Variants in SLC16A7 observed in about 807,000 individuals in gnomAD.
The protein encoded by SLC16A7 is solute carrier family 16 member 7, also known as monocarboxylate transporter 2.
In SLC16A7, 33 loss-of-function variants were observed where a neutral mutation model predicts 34.9. The observed-to-expected ratio is 0.94, with a 90% confidence interval of 0.72 to 1.26. The LOEUF (loss-of-function observed/expected upper bound fraction) is 1.26. Among genes scored for constraint, SLC16A7 ranks in the 50% most tolerant of loss-of-function variants. The pLI, the probability that SLC16A7 is intolerant of heterozygous loss-of-function variation, is 0.00. For synonymous variants in SLC16A7, 201 were observed against 206.6 expected (o/e 0.97, Z 0.23); for missense variants, 573 against 578.1 (o/e 0.99, Z 0.09).
chr12:59,671,965 G>A (rs55862328), intron 2 of SLC16A7, among the ~76,000 whole-genome samples: 9 of 4,898 alleles, frequency 1.8e-3, no homozygotes, highest in South Asian at 0.011. Context: ...GTATATATGT[G>A]TATATATCCA....
chr12:59,666,853 G>C (rs1869247727), intron 2 of SLC16A7, among the ~76,000 whole-genome samples: 1 of 152,150 alleles, frequency 6.6e-6, no homozygotes, highest in Admixed American at 6.6e-5. Flanking sequence ...AAAGATAACT[G>C]AAAATATGGA....
chr12:59,672,541 C>G (rs1869970858), intron 2 of SLC16A7, among the ~76,000 whole-genome samples: 1 of 151,826 alleles, frequency 6.6e-6, no homozygotes, highest in Non-Finnish European at 1.5e-5. Context: ...TTTCACCATG[C>G]TGTGTTTTCC....
intron 2 of SLC16A7, among the ~76,000 whole-genome samples, chr12:59,656,222 A>G (rs1868527000): frequency 6.6e-6 from 1 of 152,022 alleles, no homozygotes; most frequent in South Asian, 2.1e-4. Context: ...AGTAAACAGA[A>G]TAATGGACCC....
At chr12:59,662,461 T>A (rs1167464061) in intron 2 of SLC16A7, among the ~76,000 whole-genome samples, 2 of 151,922 alleles carry the variant, frequency 1.3e-5, no homozygotes, top group African/African-American at 4.8e-5. Context: ...ACCAGAAATT[T>A]AAAAAAAATC....
Position 59,734,903 on chromosome 12 carries a change from G to T in SLC16A7, c.217+29885G>T, listed in dbSNP as rs1017014701. On this transcript the variant is annotated intron_variant, in intron 3 of 5. Transcript: ENST00000547379. The stretch of plus-strand genomic sequence containing the variant: ...ATCTCATCCATTGCTATAAATTCAT[G>T]CATTTATGCATTACTCTCTAGTTTC... Among the ~76,000 whole-genome samples, 3 of 152,136 alleles carry T rather than the reference G, an allele frequency of 2.0e-5. 1 individual carries two copies. The highest frequency in any genetic ancestry group is 2.0e-4 in the Admixed American group (3 of 15,290).
intron 3 of SLC16A7, 26 bp downstream of exon 3, chr12:59,705,044 C>T: frequency 6.8e-7 from 1 of 1,462,574 alleles, no homozygotes; most frequent in South Asian, 1.1e-5. Context: ...TAAATAGAAT[C>T]CTGAATTAAG....
chr12:59,686,727 T>G (rs1197877463), intron 2 of SLC16A7, among the ~76,000 whole-genome samples: 1 of 152,102 alleles, frequency 6.6e-6, no homozygotes, highest in Admixed American at 6.6e-5. Context: ...GACCACACCA[T>G]TGATCTCTTT....
Position 59,779,711 on chromosome 12 carries a change from G to T in SLC16A7, c.*32G>T. ...TCACATCTCTGATTTCAGTGTTTAT[G>T]ACTTTATCTAGGAGTTTGTTTTTCA... On this transcript the variant is annotated 3_prime_UTR_variant, in exon 6 of 6. Transcript: ENST00000547379. 1.9e-6 allele frequency: 3 copies of T among 1,551,028 alleles called. No individual in the cohort carries two copies. The highest frequency in any genetic ancestry group is 2.4e-5 in the South Asian group (2 of 83,470).
chr12:59,706,053 C>A (rs554339355), intron 3 of SLC16A7, among the ~76,000 whole-genome samples: 52 of 152,178 alleles, frequency 3.4e-4, no homozygotes, highest in Admixed American at 3.0e-3. Context: ...TATTCCATAG[C>A]TAAGGAAATA....
At chr12:59,612,189 G>A (rs907655568) in intron 1 of SLC16A7, among the ~76,000 whole-genome samples, 5 of 152,174 alleles carry the variant, frequency 3.3e-5, no homozygotes, top group Non-Finnish European at 5.9e-5. Context: ...TCGACATCTC[G>A]GCATTTCCAT....
Position 59,638,648 on chromosome 12 carries a change from G to T in SLC16A7, c.-129-16504G>T, listed in dbSNP as rs192972572. 3.8e-3 allele frequency among the ~76,000 whole-genome samples: 585 copies of T among 152,192 alleles called. 3 individuals carry two copies. The highest frequency in any genetic ancestry group is 0.013 in the African/African-American group (558 of 41,536). On this transcript the variant is annotated intron_variant, in intron 1 of 5. Transcript: ENST00000547379. ...TTTCATGATAATTTTCTAGGAAAAG[G>T]TTTGTGTAAGTTTCTATCAGAGGAG...
intron 1 of SLC16A7, among the ~76,000 whole-genome samples, chr12:59,623,238 AC>A (rs1879779419): frequency 2.0e-5 from 3 of 151,424 alleles, no homozygotes; most frequent in Non-Finnish European, 1.5e-5. Context: ...CCATATCCTC[AC>A]CTTTATTCTA....
chr12:59,672,460 C>T (rs117091460), intron 2 of SLC16A7, among the ~76,000 whole-genome samples: 2,739 of 151,754 alleles, frequency 0.018, 31 homozygotes, highest in Non-Finnish European at 0.026. Flanking sequence ...CTTAGAGCCC[C>T]CTCTACCATG....
chr12:59,652,206 A>G (rs774266325), intron 1 of SLC16A7, among the ~76,000 whole-genome samples: 1 of 152,074 alleles, frequency 6.6e-6, no homozygotes, highest in Non-Finnish European at 1.5e-5. Context: ...ATAAAATTAC[A>G]TATGTCAGCT....
intron 1 of SLC16A7, among the ~76,000 whole-genome samples, chr12:59,620,570 C>A (rs951936486): frequency 6.6e-6 from 1 of 151,818 alleles, no homozygotes; most frequent in African/African-American, 2.4e-5. Flanking sequence ...TTCTTGGTTT[C>A]GTGAAAAGAA....
chr12:59,684,981 C>T (rs1042996145), intron 2 of SLC16A7, among the ~76,000 whole-genome samples: 2 of 151,932 alleles, frequency 1.3e-5, no homozygotes, highest in African/African-American at 4.8e-5. Context: ...GCCATCAATC[C>T]CCAGAGGACT....
At chr12:59,645,162 G>C (rs971322810) in intron 1 of SLC16A7, among the ~76,000 whole-genome samples, 1 of 152,158 alleles carries the variant, frequency 6.6e-6, no homozygotes, top group Non-Finnish European at 1.5e-5. Context: ...AGGTGACTAA[G>C]AGGATTTCTT....
At chr12:59,769,623 T>G (rs1882028218) in intron 3 of SLC16A7, among the ~76,000 whole-genome samples, 1 of 152,104 alleles carries the variant, frequency 6.6e-6, no homozygotes, top group Non-Finnish European at 1.5e-5. Context: ...TTTCAAAAGA[T>G]ATTGTGGAGT....
At chr12:59,644,684 A>C (rs1223197496) in intron 1 of SLC16A7, among the ~76,000 whole-genome samples, 8 of 152,190 alleles carry the variant, frequency 5.3e-5, no homozygotes, top group African/African-American at 1.7e-4. Flanking sequence ...TTGCAAAAAA[A>C]TTTCTAAGTT....
Sources: allele counts gnomAD v4.1 joint callset (sites outside exome capture counted in the v4.1 genomes callset), GRCh38; gene constraint gnomAD v4.1.1; transcripts MANE v1.5; gene names NCBI Gene and HGNC (gene_info 2026-07-23, HGNC 2026-07-21).